PPIP5K2: variants seen among roughly 807,000 people sequenced by gnomAD.
The protein encoded by PPIP5K2 is diphosphoinositol pentakisphosphate kinase 2.
PPIP5K2 carries 105 observed loss-of-function variants against 154.6 expected under a neutral mutation model. That is an observed-to-expected ratio of 0.68 (90% confidence interval 0.58 to 0.80). PPIP5K2 has a LOEUF of 0.80. Ranked by LOEUF, PPIP5K2 falls within the 30% of genes least tolerant of loss-of-function variation. The pLI, the probability that PPIP5K2 is intolerant of heterozygous loss-of-function variation, is 0.00. For synonymous variants in PPIP5K2, 480 were observed against 490.3 expected, an observed-to-expected ratio of 0.98 and a Z score of 0.28; for missense variants, 992 against 1,504.6, an observed-to-expected ratio of 0.66 and a Z score of 5.64.
chr5:103,126,786 A>G (rs904314341), intron 1 of PPIP5K2, among the ~76,000 whole-genome samples: 6 of 143,410 alleles, frequency 4.2e-5, no homozygotes, highest in Non-Finnish European at 9.0e-5. Context: ...TTCTAGCTGC[A>G]CTGGCAGCTG....
Position 103,207,561 on chromosome 5 carries a change from ATTTAAT to A in PPIP5K2, c.*5933_*5938del, listed in dbSNP as rs1462206877. 6 of 152,114 alleles carry A rather than the reference ATTTAAT, an allele frequency of 3.9e-5. No homozygotes were observed. Among genetic ancestry groups the A allele is most frequent in the African/African-American group, 1.4e-4 (6 of 41,506 alleles). 9.4% of individuals were successfully genotyped at this position (152,114 alleles called of 1,614,324 possible). A position where few individuals can be genotyped will look rare whatever the true frequency, so the allele number is the denominator to read the frequency against. ...TTCCTTCACTATGATTTTGAATTAT[ATTTAAT>A]TTTAAAGTCTATATATATATATATA... On this transcript the variant is annotated 3_prime_UTR_variant, in exon 31 of 31. Coordinates refer to ENST00000358359, the MANE Select transcript of PPIP5K2 (RefSeq NM_001276277.3).
intron 5 of PPIP5K2, among the ~76,000 whole-genome samples, chr5:103,142,244 G>A (rs1022064283): frequency 3.9e-5 from 6 of 152,172 alleles, no homozygotes; most frequent in Non-Finnish European, 7.4e-5. Flanking sequence ...ACTGCCGGGG[G>A]ACCCAGTACA....
intron 29 of PPIP5K2, among the ~76,000 whole-genome samples, chr5:103,191,618 A>G (rs1801249993): frequency 6.6e-6 from 1 of 152,134 alleles, no homozygotes; most frequent in Non-Finnish European, 1.5e-5. Context: ...TGTATAACCC[A>G]GATTTTCCAA....
chr5:103,158,964 T>C (rs540126602), intron 16 of PPIP5K2, among the ~76,000 whole-genome samples, 182 bp from the exon 17 acceptor site: 21 of 152,172 alleles, frequency 1.4e-4, no homozygotes, highest in African/African-American at 4.6e-4. Context: ...CCAAGGAATA[T>C]TTAAAAATTC....
chr5:103,136,165 G>C (rs1344201764), intron 3 of PPIP5K2: 2 of 152,104 alleles, frequency 1.3e-5, no homozygotes, highest in African/African-American at 4.8e-5. Flanking sequence ...TAGAGATGGG[G>C]TTTCACCCTG....
chr5:103,176,974 T>C, intron 21 of PPIP5K2: 1 of 1,257,442 alleles, frequency 8.0e-7, no homozygotes, highest in Non-Finnish European at 1.1e-6. Flanking sequence ...TTCAGTGTAA[T>C]AGGGATACTT....
At position 103,142,771 on chromosome 5, in the gene PPIP5K2, G is replaced by A. The variant is rs1404404018; in HGVS notation, c.488-3756G>A. Among the ~76,000 whole-genome samples, 9 of 42,730 alleles carry A rather than the reference G, an allele frequency of 2.1e-4. No homozygotes were observed. The South Asian group carries it at 8.6e-3, about 41-fold the overall frequency. 28.0% of individuals were successfully genotyped at this position (42,730 alleles called of 152,430 possible). On this transcript the variant is annotated intron_variant, in intron 5 of 30. Coordinates refer to ENST00000358359, the MANE Select transcript of PPIP5K2 (RefSeq NM_001276277.3). ...AGCCTGGGCGAGTGAGCAAGACTCCGTCTCAAAAAAAAAAAAAAAATTCAA... is the reference window on the plus strand; with the variant it reads ...AGCCTGGGCGAGTGAGCAAGACTCCATCTCAAAAAAAAAAAAAAAATTCAA...
At chr5:103,135,772 T>C (rs1047984071) in intron 3 of PPIP5K2, among the ~76,000 whole-genome samples, 5 of 152,122 alleles carry the variant, frequency 3.3e-5, no homozygotes, top group Admixed American at 6.5e-5. Context: ...TAAAATTTTT[T>C]AGATTTTGGG....
Position 103,136,784 on chromosome 5 carries a change from A to G in PPIP5K2, c.363A>G (p.Val121=), listed in dbSNP as rs1323409289. 1.2e-6 allele frequency: 2 copies of G among 1,613,772 alleles called. No homozygotes were observed. Among genetic ancestry groups the G allele is most frequent in the South Asian group, 1.1e-5 (1 of 91,084 alleles). ...VAYAKLRNPF[V]INDLNMQYLI... ...ATGCAAAACTCAGGAATCCATTTGT[A>G]ATCAATGACTTGAATATGCAGTATC... The change falls in exon 4 of 31, where the codon GTA becomes GTG. Residue 121 remains valine, a synonymous_variant. Transcript: ENST00000358359.
At chr5:103,189,073 G>C in intron 28 of PPIP5K2, 1 of 895,398 alleles carries the variant, frequency 1.1e-6, no homozygotes, top group Non-Finnish European at 1.7e-6. Context: ...CACATATCAT[G>C]GACTTACCCC....
intron 1 of PPIP5K2, among the ~76,000 whole-genome samples, chr5:103,121,308 C>T (rs1788678284): frequency 6.6e-6 from 1 of 152,084 alleles, no homozygotes. Flanking sequence ...TTATGTGTGC[C>T]GAGTGCTTTA....
intron 30 of PPIP5K2, among the ~76,000 whole-genome samples, chr5:103,201,161 T>C (rs546567037): frequency 2.6e-5 from 4 of 152,196 alleles, no homozygotes; most frequent in Non-Finnish European, 5.9e-5. Flanking sequence ...AAAGTTTCAA[T>C]TGGCAGTTGT....
chr5:103,150,512 C>A (rs1169288023), intron 8 of PPIP5K2, among the ~76,000 whole-genome samples: 1 of 152,202 alleles, frequency 6.6e-6, no homozygotes, highest in Admixed American at 6.5e-5. Flanking sequence ...GTGGCTCACA[C>A]CCATAATCCC....
intron 29 of PPIP5K2, among the ~76,000 whole-genome samples, chr5:103,192,255 G>A (rs1423244078): frequency 6.6e-6 from 1 of 152,056 alleles, no homozygotes; most frequent in Admixed American, 6.6e-5. Context: ...AAATGTGTCC[G>A]ATTATGAGAA....
chr5:103,187,420 C>T lies in PPIP5K2; in HGVS notation c.3352+44C>T, dbSNP rs782089477. 24 of 1,380,494 alleles carry T rather than the reference C, an allele frequency of 1.7e-5. 1 individual carries two copies. In the South Asian group the frequency reaches 3.1e-4, roughly 18 times the overall value. 85.5% of individuals were successfully genotyped at this position (1,380,494 alleles called of 1,614,324 possible). ...TTAAAAGATACTCCCCTGCTTCATCCCTTTTTTATTTTTATTTTATTTCAA... is the reference window on the plus strand; with the variant it reads ...TTAAAAGATACTCCCCTGCTTCATCTCTTTTTTATTTTTATTTTATTTCAA... On this transcript the variant is annotated intron_variant, in intron 28 of 30. Transcript: ENST00000358359.
At chr5:103,146,460 A>G (rs1211874532) in intron 5 of PPIP5K2, 67 bp from the exon 6 acceptor site, 1 of 1,473,944 alleles carries the variant, frequency 6.8e-7, no homozygotes, top group African/African-American at 1.4e-5. Context: ...GTCCTCGATA[A>G]TAATGTGGTG....
Position 103,208,870 on chromosome 5 carries a change from G to T in PPIP5K2, c.*7236G>T, listed in dbSNP as rs1011755980. On this transcript the variant is annotated 3_prime_UTR_variant, in exon 31 of 31. Transcript: ENST00000358359. ...GTGTCTTCTAGTTTTGTTGAAGATA[G>T]TTTATGTTTCTCTTCATATTTGATG... is the stretch of plus-strand genomic sequence containing the variant. The T allele has an allele frequency of 2.0e-5, 3 of 152,092 alleles. No individual in the cohort carries two copies. The highest frequency in any genetic ancestry group is 7.2e-5 in the African/African-American group (3 of 41,400). The allele number at this position is 152,092 out of a possible 1,614,324, so 9.4% of individuals were successfully genotyped here.
At chr5:103,128,022 A>G (rs1291383021) in intron 1 of PPIP5K2, among the ~76,000 whole-genome samples, 1 of 152,106 alleles carries the variant, frequency 6.6e-6, no homozygotes, top group Non-Finnish European at 1.5e-5. Flanking sequence ...TATAAAGTAA[A>G]TTATTTCTGC....
At chr5:103,190,726 G>GAC in intron 28 of PPIP5K2, 116 bp from the exon 29 acceptor site, 17 of 838,250 alleles carry the variant, frequency 2.0e-5, no homozygotes, top group Non-Finnish European at 2.9e-5. Context: ...GTGTTTGCAT[G>GAC]TGATAGACTG....
Sources: allele counts gnomAD v4.1 joint callset (sites outside exome capture counted in the v4.1 genomes callset), GRCh38; gene constraint gnomAD v4.1.1; transcripts MANE v1.5; gene names NCBI Gene and HGNC (gene_info 2026-07-23, HGNC 2026-07-21).